Variants in NTRK3 observed in about 807,000 individuals in gnomAD.
NTRK3 encodes the protein neurotrophic receptor tyrosine kinase 3, also known as NT-3 growth factor receptor.
In NTRK3, 24 loss-of-function variants were observed where a neutral mutation model predicts 91.7. The ratio of observed to expected loss-of-function variants is 0.26; its 90% CI spans 0.19 to 0.37. NTRK3 has a LOEUF of 0.37. NTRK3 is among the 10% of genes least tolerant of loss of function. The probability of loss-of-function intolerance (pLI) is 1.00; values close to 1 mark genes in which losing one functional copy is unlikely to be tolerated. For missense variants in NTRK3, 880 were observed against 1,068.9 expected (o/e 0.82, Z 2.46); for synonymous variants, 483 against 404.0 (o/e 1.20, Z -2.34).
intron 13 of NTRK3, among the ~76,000 whole-genome samples, chr15:88,088,667 G>C (rs2150732522): frequency 6.6e-6 from 1 of 152,230 alleles, no homozygotes; most frequent in South Asian, 2.1e-4. Flanking sequence ...TATTTTTAAA[G>C]CTGCAAGAGT....
exon 6 of NTRK3, chr15:88,147,341 C>A (rs546426782): frequency 1.2e-6 from 2 of 1,613,430 alleles, no homozygotes; most frequent in Non-Finnish European, 1.7e-6. Context: ...TTACAATTCC[C>A]GAAGACTCAG....
Position 88,255,992 on chromosome 15 carries a change from G to T in NTRK3, c.162C>A (p.Phe54Leu). The T allele has an allele frequency of 6.2e-7, 1 of 1,613,702 alleles. No homozygotes were observed. Among genetic ancestry groups the T allele is most frequent in the Non-Finnish European group, 8.5e-7 (1 of 1,179,842 alleles). Residue 54 changes from phenylalanine (F) to leucine (L), a missense_variant, in exon 3 of 19, where the codon TTC (phenylalanine) becomes TTA (leucine). This residue lies in a region of NTRK3 where 743 missense variants were observed against 868.6 expected (regional missense o/e 0.86). Coordinates refer to ENST00000394480, the Ensembl canonical transcript of NTRK3. This position sits in a 1 kb window ranked among gnomAD's most constrained non-coding sequence, Gnocchi z 4.3. ...CTGAATCCTGCCCTTCCAGGAGGGG[G>T]AAGAGGTTCCCATCGTCCGGCCGCC...
chr15:88,094,364 G>A (rs1474015938), intron 13 of NTRK3, among the ~76,000 whole-genome samples: 3 of 151,214 alleles, frequency 2.0e-5, no homozygotes, highest in East Asian at 1.9e-4. Context: ...AGCTACTCAG[G>A]AGGCTGAGGC....
intron 6 of NTRK3, among the ~76,000 whole-genome samples, chr15:88,146,007 C>T (rs1597588956): frequency 6.6e-6 from 1 of 152,176 alleles, no homozygotes. Context: ...CTAAGCATCT[C>T]AGTGTCCTCC....
Position 88,051,346 on chromosome 15 carries a change from C to T in NTRK3, c.1397-18301G>A, listed in dbSNP as rs564776498. On this transcript the variant is annotated intron_variant, in intron 13 of 18. Coordinates refer to ENST00000394480, the Ensembl canonical transcript of NTRK3. ...TCACAGTTATTTCTTCCTGTAGATT[C>T]GTGCAGCTCTTCTGAAGATCAAGGT... Among the ~76,000 whole-genome samples the T allele has an allele frequency of 9.2e-5, 14 of 152,340 alleles. No individual in the cohort carries two copies. In the East Asian group the frequency reaches 2.5e-3, roughly 27 times the overall value.
chr15:88,207,808 C>T (rs2048922908), intron 3 of NTRK3, among the ~76,000 whole-genome samples: 1 of 152,240 alleles, frequency 6.6e-6, no homozygotes, highest in Non-Finnish European at 1.5e-5. Flanking sequence ...ATGTGCTCAG[C>T]TCATGGGAGA....
rs79946273 is a variant in NTRK3 at position 87,931,757 on chromosome 15, C to A, written c.1889+1255G>T. Among the ~76,000 whole-genome samples, 782 of 152,320 alleles carry A rather than the reference C, an allele frequency of 5.1e-3. 6 individuals carry two copies. The highest frequency in any genetic ancestry group is 0.018 in the African/African-American group (755 of 41,582). ...ATAAGCAGAGCTCCAGAGAGTCCTCCATTCCATTGCCTGGTACTAACTCAT... is the reference window on the plus strand; with the variant it reads ...ATAAGCAGAGCTCCAGAGAGTCCTCAATTCCATTGCCTGGTACTAACTCAT... On this transcript the variant is annotated intron_variant, in intron 16 of 18. Coordinates refer to ENST00000394480, the Ensembl canonical transcript of NTRK3.
In NTRK3 at chr15:88,239,058, C is replaced by T. The variant is rs141312814; in HGVS notation, c.248+16848G>A. On this transcript the variant is annotated intron_variant, in intron 3 of 18. Coordinates refer to ENST00000394480, the Ensembl canonical transcript of NTRK3. ...AGGCCTGAATACAGTGCTTAACACA[C>T]AGCAGCTGCTAGCACTATGAGCTCC... Among the ~76,000 whole-genome samples, 512 of 152,336 alleles carry T rather than the reference C, an allele frequency of 3.4e-3. 3 individuals are homozygous for T. Among genetic ancestry groups the T allele is most frequent in the Non-Finnish European group, 3.6e-3 (245 of 68,040 alleles).
intron 13 of NTRK3, among the ~76,000 whole-genome samples, chr15:88,058,363 T>C (rs1407666669): frequency 6.6e-6 from 1 of 152,218 alleles, no homozygotes; most frequent in African/African-American, 2.4e-5. Context: ...GCCAACCTCA[T>C]AGGATTGTTT....
intron 15 of NTRK3, among the ~76,000 whole-genome samples, chr15:87,938,203 C>T (rs1468040619): frequency 6.6e-6 from 1 of 152,200 alleles, no homozygotes; most frequent in Non-Finnish European, 1.5e-5. Flanking sequence ...AGGCTGTAAG[C>T]ACCTTAAAAA....
chr15:87,906,262 C>T (rs2066755823), intron 17 of NTRK3, among the ~76,000 whole-genome samples: 1 of 152,198 alleles, frequency 6.6e-6, no homozygotes. Flanking sequence ...AATTAATTTA[C>T]TCAAAGCCCC....
At chr15:88,092,168 A>G (rs543680241) in intron 13 of NTRK3, among the ~76,000 whole-genome samples, 60 of 152,268 alleles carry the variant, frequency 3.9e-4, no homozygotes, top group African/African-American at 1.2e-3. Flanking sequence ...CAAGCTTCTC[A>G]ACAACCTGGC....
At position 88,057,257 on chromosome 15, in the gene NTRK3, G is replaced by T. The variant is rs572765320; in HGVS notation, c.1397-24212C>A. On this transcript the variant is annotated intron_variant, in intron 13 of 18. Coordinates refer to ENST00000394480, the Ensembl canonical transcript of NTRK3. ...CACACCTGTAATCCTGGTGCTTTGG[G>T]AGGCCGAGGTGTGCGGATCACTTGA... 2.0e-4 allele frequency among the ~76,000 whole-genome samples: 31 copies of T among 152,058 alleles called. 1 individual carries two copies. The highest frequency in any genetic ancestry group is 7.0e-4 in the African/African-American group (29 of 41,502).
chr15:88,163,800 T>A (rs2044684234), intron 5 of NTRK3, among the ~76,000 whole-genome samples: 1 of 152,114 alleles, frequency 6.6e-6, no homozygotes, highest in African/African-American at 2.4e-5. Flanking sequence ...CCAGCTCACA[T>A]CTATTATCCT....
At chr15:88,208,659 C>T (rs745968331) in intron 3 of NTRK3, among the ~76,000 whole-genome samples, 8 of 152,136 alleles carry the variant, frequency 5.3e-5, no homozygotes, top group South Asian at 2.1e-4. Flanking sequence ...TGATTTGCTA[C>T]GTTGAATTAA....
chr15:88,214,010 T>C (rs1597992369), intron 3 of NTRK3, among the ~76,000 whole-genome samples: 3 of 151,220 alleles, frequency 2.0e-5, no homozygotes. Flanking sequence ...ACCTGGGAGG[T>C]GGAGGTTGCA....
intron 17 of NTRK3, among the ~76,000 whole-genome samples, chr15:87,910,490 T>C (rs1220902882): frequency 6.6e-6 from 1 of 152,216 alleles, no homozygotes; most frequent in Non-Finnish European, 1.5e-5. Flanking sequence ...GTGAGTTTTA[T>C]TTAAAACATG....
intron 15 of NTRK3, 41 bp downstream of exon 15, chr15:87,940,582 G>A (rs2142016330): frequency 1.2e-6 from 2 of 1,612,590 alleles, no homozygotes; most frequent in South Asian, 1.1e-5. Flanking sequence ...TGGGCCCTCA[G>A]CCAGCCCTCC....
At chr15:88,136,936 T>C (rs898315901) in intron 7 of NTRK3, among the ~76,000 whole-genome samples, 5 of 152,202 alleles carry the variant, frequency 3.3e-5, no homozygotes, top group African/African-American at 4.8e-5. Flanking sequence ...ATCTGAATAG[T>C]AGTGTTTCAG....
Sources: allele counts gnomAD v4.1 joint callset (sites outside exome capture counted in the v4.1 genomes callset), GRCh38; gene constraint gnomAD v4.1.1; regional missense constraint gnomAD v4.1.1; non-coding constraint Gnocchi (gnomAD v3.1); transcripts MANE v1.5; gene names NCBI Gene and HGNC (gene_info 2026-07-23, HGNC 2026-07-21).